Variants in DDHD2 observed in about 807,000 individuals in gnomAD.
The protein encoded by DDHD2 is triacylglycerol hydrolase DDHD2.
In DDHD2, 62 loss-of-function variants were observed where a neutral mutation model predicts 91.2. That is an observed-to-expected ratio of 0.68 (90% CI 0.55 to 0.84). The LOEUF is 0.84. Among genes scored for constraint, DDHD2 ranks in the 40% least tolerant of loss-of-function variants. The probability of loss-of-function intolerance (pLI) is 0.00; values close to 1 mark genes in which losing one functional copy is unlikely to be tolerated. For missense variants in DDHD2, 740 were observed against 846.9 expected (o/e 0.87, Z 1.57); for synonymous variants, 271 against 293.9 (o/e 0.92, Z 0.80).
intron 1 of DDHD2, chr8:38,269,703 A>G: frequency 6.5e-6 from 1 of 155,036 alleles, no homozygotes; most frequent in Non-Finnish European, 1.4e-5. Flanking sequence ...CACATATTTA[A>G]TTTGGAACAT....
rs958475016 is a variant in DDHD2 at position 38,253,205 on chromosome 8, A to G, written c.1891+78A>G. 6.7e-6 allele frequency: 9 copies of G among 1,343,338 alleles called. No homozygotes were observed. The African/African-American group carries it at 1.3e-4, about 20-fold the overall frequency. The allele number at this position is 1,343,338 out of a possible 1,614,324, so 83.2% of individuals were successfully genotyped here. On this transcript the variant is annotated intron_variant, in intron 15 of 17. Transcript: ENST00000397166. ...TGTGGCGTTTTTCATAGTTAATTTA[A>G]TTTAATTTCACATTTAATTTCATAG...
chr8:38,268,599 C>T lies in DDHD2; in HGVS notation n.88-2523C>T, dbSNP rs1384280240. The T allele has an allele frequency of 2.8e-6, 4 of 1,453,090 alleles. No homozygotes were observed. The African/African-American group carries it at 5.7e-5, about 21-fold the overall frequency. 90.0% of individuals were successfully genotyped at this position (1,453,090 alleles called of 1,614,324 possible). A position where few individuals can be genotyped will look rare whatever the true frequency, so the allele number is the denominator to read the frequency against. On this transcript the variant is annotated intron_variant and non_coding_transcript_variant, in intron 1 of 1. Transcript: ENST00000526071. ...TGAGTGCGCGTAACCGGGCGCCAGG[C>T]AGCGCCACCAGTGAACAGCAGCGCC... is the stretch of plus-strand genomic sequence containing the variant.
intron 9 of DDHD2, 38 bp from the exon 10 acceptor site, chr8:38,247,671 AAATG>A (rs1404000551): frequency 7.5e-7 from 1 of 1,324,668 alleles, no homozygotes; most frequent in African/African-American, 1.5e-5. Context: ...AAAGGAAACT[AAATG>A]AATTTCAAGA....
chr8:38,264,058 C>T, downstream of DDHD2: 1 of 989,962 alleles, frequency 1.0e-6, no homozygotes, highest in Non-Finnish European at 1.2e-6. Context: ...CTCACTTGCA[C>T]CTTGGAAGGG....
chr8:38,263,663 T>C, downstream of DDHD2: 2 of 985,438 alleles, frequency 2.0e-6, no homozygotes, highest in South Asian at 9.4e-5. Flanking sequence ...TATTTAAGGC[T>C]TGATGGAATT....
Position 38,252,804 on chromosome 8 carries a change from G to C in DDHD2, c.1700G>C (p.Gly567Ala). The C allele has an allele frequency of 1.9e-6, 3 of 1,614,084 alleles. No individual in the cohort carries two copies. The highest frequency in any genetic ancestry group is 2.5e-6 in the Non-Finnish European group (3 of 1,179,980). Residue 567 changes from glycine (G) to alanine (A), a missense_variant, in exon 14 of 18, where the codon GGC (glycine) becomes GCC (alanine). By Grantham distance (60) the Gly-to-Ala change is moderately conservative (BLOSUM62 0). Transcript: ENST00000397166. Reference protein sequence around the residue: ...FEPMLIPHHKGRKRMHLELRE... With the variant: ...FEPMLIPHHKARKRMHLELRE... ...CCAATGCTGATCCCACATCATAAAG[G>C]CAGGAAGCGGATGCACTTAGGTAAG...
intron 10 of DDHD2, among the ~76,000 whole-genome samples, chr8:38,248,952 A>G (rs573345438): frequency 1.3e-5 from 2 of 151,252 alleles, no homozygotes; most frequent in South Asian, 4.2e-4. Context: ...CTCAAAAAAA[A>G]AAAAAAAAAA....
At chr8:38,266,073 C>T, downstream of DDHD2, 2 of 1,454,872 alleles carry the variant, frequency 1.4e-6, no homozygotes, top group Non-Finnish European at 1.9e-6. Flanking sequence ...AGCATCTCCT[C>T]TGTGCTAGGT....
At chr8:38,270,417 C>G (rs1049184960) in intron 1 of DDHD2, 47 of 152,124 alleles carry the variant, frequency 3.1e-4, no homozygotes, top group African/African-American at 1.1e-3. Flanking sequence ...CATATCAATT[C>G]CAAATATACA....
At position 38,249,706 on chromosome 8, in the gene DDHD2, A is replaced by G. The variant is rs2130834792; in HGVS notation, c.1249-2A>G. On this transcript the variant is annotated splice_acceptor_variant, in intron 10 of 17. Coordinates refer to ENST00000397166, the MANE Select transcript of DDHD2 (RefSeq NM_015214.3). LOFTEE classifies it high-confidence loss of function. ...AAGAAAGACTTGATTTTCTATGCCT[A>G]GGCTTTATGTACAGACCGAGATCTT... 1.9e-6 allele frequency: 3 copies of G among 1,599,514 alleles called. No individual in the cohort carries two copies. Among genetic ancestry groups the G allele is most frequent in the Non-Finnish European group, 2.6e-6 (3 of 1,169,924 alleles).
chr8:38,235,733 A>C (rs1804670434), intron 3 of DDHD2, among the ~76,000 whole-genome samples: 2 of 151,598 alleles, frequency 1.3e-5, no homozygotes, highest in Middle Eastern at 3.4e-3. Context: ...AAAAAAAAAA[A>C]AAACTGGTGG....
chr8:38,252,323 T>G lies in DDHD2; in HGVS notation c.1617+36T>G. 2.6e-6 allele frequency: 4 copies of G among 1,566,132 alleles called. 1 individual carries two copies. The highest frequency in any genetic ancestry group is 1.4e-5 in the African/African-American group (1 of 72,814). On this transcript the variant is annotated intron_variant, in intron 13 of 17. Transcript: ENST00000397166. ...TACAGCTATTGTGGTTTTACCTAAA[T>G]ATCAGGGCTTATTGTTAAAGAACAT...
chr8:38,234,428 T>C lies in DDHD2; in HGVS notation c.255T>C (p.Asp85=). 1 of 1,602,718 alleles carries C rather than the reference T, an allele frequency of 6.2e-7. No homozygotes were observed. The highest frequency in any genetic ancestry group is 8.5e-7 in the Non-Finnish European group (1 of 1,177,370). ...GTAATGGGAGAGTTGTTCCTACTGA[T>C]GGGGGCAGATATGATGTTCATTTGG... The part of the protein sequence containing the change: ...KGCNGRVVPT[D]GGRYDVHLGE... The change falls in exon 3 of 18, where the codon GAT becomes GAC. Residue 85 remains aspartate (D), a synonymous_variant. Transcript: ENST00000397166.
At chr8:38,232,870 TTTGTTG>T in intron 1 of DDHD2, 111 bp from the exon 2 acceptor site, 1 of 658,242 alleles carries the variant, frequency 1.5e-6, no homozygotes, top group South Asian at 2.0e-5. Context: ...TTATGTAGAT[TTTGTTG>T]TTGTTGTTGT....
rs1807074104 is a variant in DDHD2, at chr8:38,262,082, G to GTA, written c.*1512_*1513dup. 6.6e-6 allele frequency: 1 copy of GTA among 152,194 alleles called. No homozygotes were observed. The highest frequency in any genetic ancestry group is 2.4e-5 in the African/African-American group (1 of 41,440). 9.4% of individuals were successfully genotyped at this position (152,194 alleles called of 1,614,324 possible). A position where few individuals can be genotyped will look rare whatever the true frequency, so the allele number is the denominator to read the frequency against. On this transcript the variant is annotated 3_prime_UTR_variant, in exon 18 of 18. Coordinates refer to ENST00000397166, the MANE Select transcript of DDHD2 (RefSeq NM_015214.3). Reference sequence around the variant, plus strand: ...TGGAGATTGTAGAGGTAAGGTTGGGGTATAGGTCAGGCCTGGCCTTTCTTT... The same window carrying GTA: ...TGGAGATTGTAGAGGTAAGGTTGGGGTATATAGGTCAGGCCTGGCCTTTCTTT...
intron 16 of DDHD2, among the ~76,000 whole-genome samples, chr8:38,256,814 T>A (rs1420395794): frequency 7.2e-5 from 11 of 152,218 alleles, no homozygotes; most frequent in Non-Finnish European, 1.6e-4. Flanking sequence ...GTGGATACTA[T>A]ATGGAAGTGT....
intron 2 of DDHD2, among the ~76,000 whole-genome samples, chr8:38,233,936 AAAAAG>A (rs1228839222): frequency 4.6e-5 from 7 of 151,934 alleles, no homozygotes; most frequent in African/African-American, 1.4e-4. Context: ...TCAAAAAAAA[AAAAAG>A]AAAAGAAAAG....
Position 38,240,341 on chromosome 8 carries a change from G to A in DDHD2, c.689G>A (p.Arg230His), listed in dbSNP as rs544918661. 1.5e-5 allele frequency: 24 copies of A among 1,610,026 alleles called. No individual in the cohort carries two copies. Among genetic ancestry groups the A allele is most frequent in the Admixed American group, 3.3e-5 (2 of 59,976 alleles). Residue 230 changes from arginine (R) to histidine (H), a missense_variant, in exon 6 of 18, where the codon CGC becomes CAC. This residue lies in a region of DDHD2 where 693 missense variants were observed against 764.2 expected (regional missense o/e 0.91). Transcript: ENST00000397166. ...VHGIGPACDLRFRSIVQCVND... is the reference protein window; with the variant it reads ...VHGIGPACDLHFRSIVQCVND... ...GGGATTGGACCAGCTTGTGATCTCC[G>A]CTTTCGAAGCATTGTACAGTGTGGT... is the stretch of plus-strand genomic sequence containing the variant.
At position 38,245,830 on chromosome 8, in the gene DDHD2, C is replaced by T. The variant is rs763578024; in HGVS notation, c.937C>T (p.Pro313Ser). ...TCTGGATGTCTTCTTCTACAATAGT[C>T]CCACCTACTGTCAGACTATTGTGGA... Reference protein sequence around the residue: ...TILDVFFYNSPTYCQTIVDTV... With the variant: ...TILDVFFYNSSTYCQTIVDTV... The change falls in exon 8 of 18, where the codon CCC (proline) becomes TCC (serine). Residue 313 changes from proline to serine, a missense_variant. Around this residue, in one of 2 missense-constraint regions of DDHD2, gnomAD observed 693 missense variants for 764.2 expected, o/e 0.91. Transcript: ENST00000397166. 6.2e-7 allele frequency: 1 copy of T among 1,614,086 alleles called. No homozygotes were observed. The highest frequency in any genetic ancestry group is 8.5e-7 in the Non-Finnish European group (1 of 1,179,940).
Sources: gnomAD v4.1 joint callset for allele counts (sites outside exome capture counted in the v4.1 genomes callset) on GRCh38, gnomAD v4.1.1 for gene constraint, gnomAD v4.1.1 regional missense constraint, MANE v1.5 for transcripts, NCBI Gene and HGNC (gene_info 2026-07-23, HGNC 2026-07-21) for gene names.